PACC1: variants seen among roughly 807,000 people sequenced by gnomAD.
PACC1 encodes proton activated chloride channel 1.
In PACC1, 34 loss-of-function variants were observed where a neutral mutation model predicts 39.7. That is an observed-to-expected ratio of 0.86 (90% CI 0.65 to 1.14). The LOEUF (loss-of-function observed/expected upper bound fraction) is 1.14, where lower values mean the gene tolerates loss of function less well. Ranked by LOEUF, PACC1 falls within the 50% of genes most tolerant of loss-of-function variation. PACC1 has a pLI of 0.00. For missense variants in PACC1, 379 were observed against 436.4 expected (o/e 0.87, Z 1.17); for synonymous variants, 127 against 160.6 (o/e 0.79, Z 1.58).
In PACC1 at chr1:212,366,367, C is replaced by T. The variant is rs1181837110; in HGVS notation, c.892-991G>A. 1.4e-5 allele frequency among the ~76,000 whole-genome samples: 2 copies of T among 139,304 alleles called. 1 individual carries two copies. Among genetic ancestry groups the T allele is most frequent in the South Asian group, 4.5e-4 (2 of 4,470 alleles). 91.4% of individuals were successfully genotyped at this position (139,304 alleles called of 152,430 possible). A position where few individuals can be genotyped will look rare whatever the true frequency, so the allele number is the denominator to read the frequency against. ...CCAGGCTGGAGTGCAGTGGCGCGAT[C>T]TCAGTTCACTGCAACCTCCGCCTCC... On this transcript the variant is annotated intron_variant, in intron 7 of 7. Coordinates refer to ENST00000261455, the MANE Select transcript of PACC1 (RefSeq NM_018252.3).
intron 7 of PACC1, among the ~76,000 whole-genome samples, chr1:212,366,882 C>T (rs963539266): frequency 3.9e-5 from 6 of 152,252 alleles, no homozygotes; most frequent in Non-Finnish European, 5.9e-5. Context: ...CAAGCACATC[C>T]GTATCACAGA....
chr1:212,395,438 A>T (rs1661479212), intron 2 of PACC1, among the ~76,000 whole-genome samples: 1 of 152,256 alleles, frequency 6.6e-6, no homozygotes, highest in African/African-American at 2.4e-5. Context: ...AAATTAATTC[A>T]AGATGGATTA....
rs1446332635 is a variant in PACC1, at chr1:212,382,255, G to C, written c.496-2218C>G. Among the ~76,000 whole-genome samples the C allele has an allele frequency of 6.6e-5, 10 of 152,208 alleles. 1 individual carries two copies. The South Asian group carries it at 1.9e-3, about 28-fold the overall frequency. On this transcript the variant is annotated intron_variant, in intron 4 of 7. Transcript: ENST00000261455. ...AGACGGGGTTTCACCATGTTAGCCA[G>C]GATGGTCTCGATCTCCTGACCTCGT...
At chr1:212,373,735 A>C (rs990617285) in intron 7 of PACC1, among the ~76,000 whole-genome samples, 4 of 152,216 alleles carry the variant, frequency 2.6e-5, no homozygotes, top group Non-Finnish European at 5.9e-5. Flanking sequence ...CAAATGGCCA[A>C]AAGGCATATG....
chr1:212,399,881 G>GTTGCCCAAGCTAGAGTGCAATGGTGCA (rs1661654032), intron 2 of PACC1, among the ~76,000 whole-genome samples: 1 of 151,470 alleles, frequency 6.6e-6, no homozygotes, highest in South Asian at 2.1e-4. Context: ...TTTCACTCTT[G>GTTGCCCAAGCTAGAGTGCAATGGTGCA]TTGCCCAAGC....
intron 2 of PACC1, among the ~76,000 whole-genome samples, chr1:212,391,589 A>G (rs1661321618): frequency 6.6e-6 from 1 of 152,256 alleles, no homozygotes. Context: ...AAAGCTGGAC[A>G]GAGAATGACT....
At chr1:212,378,281 G>A (rs969895673) in intron 5 of PACC1, among the ~76,000 whole-genome samples, 1 of 152,250 alleles carries the variant, frequency 6.6e-6, no homozygotes, top group African/African-American at 2.4e-5. Context: ...TACCGAGGAA[G>A]CTCACGAAAG....
chr1:212,388,023 C>T (rs893517655), intron 2 of PACC1, among the ~76,000 whole-genome samples: 12 of 145,378 alleles, frequency 8.3e-5, no homozygotes, highest in Non-Finnish European at 1.8e-4. Context: ...CATTGCACTC[C>T]AGCCTGGGCA....
At chr1:212,379,196 G>A (rs1660783299) in intron 5 of PACC1, among the ~76,000 whole-genome samples, 1 of 152,100 alleles carries the variant, frequency 6.6e-6, no homozygotes, top group Non-Finnish European at 1.5e-5. Context: ...GCCCACCTTG[G>A]CCTCCCAAAG....
At chr1:212,414,075 C>CA in intron 1 of PACC1, 1 of 1,533,566 alleles carries the variant, frequency 6.5e-7, no homozygotes, top group African/African-American at 1.4e-5. Context: ...GCGCTGGACG[C>CA]ACAGCCTGCA....
intron 7 of PACC1, among the ~76,000 whole-genome samples, chr1:212,370,294 G>A (rs1373099522): frequency 6.6e-5 from 10 of 152,158 alleles, no homozygotes; most frequent in Admixed American, 1.3e-4. Context: ...GTGAAACCCC[G>A]TCTCTACCAA....
Position 212,386,132 on chromosome 1 carries a change from CAG to C in PACC1, c.344-709_344-708del, listed in dbSNP as rs908962288. Reference sequence around the variant, plus strand: ...TCTGCTGGAGGCTGGCAGGAAGCCCCAGAGAGAGGGCACCCGGACTCTGGCTC... The same window carrying C: ...TCTGCTGGAGGCTGGCAGGAAGCCCCAGAGAGGGCACCCGGACTCTGGCTC... On this transcript the variant is annotated intron_variant, in intron 3 of 7. Coordinates refer to ENST00000261455, the MANE Select transcript of PACC1 (RefSeq NM_018252.3). The surrounding 1 kb of genome is among the most constrained non-coding windows in gnomAD (Gnocchi z 5.0). 1.3e-5 allele frequency among the ~76,000 whole-genome samples: 2 copies of C among 152,124 alleles called. No homozygotes were observed. Among genetic ancestry groups the C allele is most frequent in the Non-Finnish European group, 2.9e-5 (2 of 68,012 alleles).
chr1:212,401,322 TCTCA>T (rs1445286507), intron 2 of PACC1, among the ~76,000 whole-genome samples: 7 of 152,098 alleles, frequency 4.6e-5, no homozygotes, highest in South Asian at 4.2e-4. Context: ...GTCTGACTTC[TCTCA>T]CTATGTTTTC....
chr1:212,387,237 C>G, intron 2 of PACC1, 137 bp from the exon 3 acceptor site: 3 of 736,004 alleles, frequency 4.1e-6, no homozygotes, highest in Non-Finnish European at 6.7e-6. Context: ...CACCTCACCC[C>G]ACAAATCATA....
chr1:212,383,083 G>A (rs1660964480), intron 4 of PACC1, among the ~76,000 whole-genome samples: 1 of 152,168 alleles, frequency 6.6e-6, no homozygotes, highest in African/African-American at 2.4e-5. Flanking sequence ...GAAACTTGGT[G>A]GATAGGGAGG....
At chr1:212,389,869 G>A (rs751639962) in intron 2 of PACC1, among the ~76,000 whole-genome samples, 2 of 152,060 alleles carry the variant, frequency 1.3e-5, no homozygotes, top group Non-Finnish European at 2.9e-5. Context: ...TCTAACCACT[G>A]TAAAAATGTT....
chr1:212,406,362 C>T (rs1474097767), intron 2 of PACC1, among the ~76,000 whole-genome samples: 3 of 152,120 alleles, frequency 2.0e-5, no homozygotes, highest in African/African-American at 4.8e-5. Context: ...ACTAAAAATA[C>T]AAAAATTAGC....
chr1:212,407,896 G>A (rs1485736479), intron 2 of PACC1, among the ~76,000 whole-genome samples: 1 of 152,090 alleles, frequency 6.6e-6, no homozygotes, highest in Non-Finnish European at 1.5e-5. Context: ...CCAACATGGT[G>A]AAACCCCATC....
rs1428539190 is a variant in PACC1 at position 212,364,251 on chromosome 1, AAG to A, written c.*962_*963del. The A allele has an allele frequency of 6.6e-6, 1 of 152,136 alleles. No individual in the cohort carries two copies. The highest frequency in any genetic ancestry group is 1.5e-5 in the Non-Finnish European group (1 of 68,020). The allele number at this position is 152,136 out of a possible 1,614,324, so 9.4% of individuals were successfully genotyped here. A position where few individuals can be genotyped will look rare whatever the true frequency, so the allele number is the denominator to read the frequency against. On this transcript the variant is annotated 3_prime_UTR_variant, in exon 8 of 8. Transcript: ENST00000261455. ...GATGGGTAGTTTTGTGGACACAGTA[AAG>A]AGTTAACCCAGCTTCCTCGGGGACA...
Sources: gnomAD v4.1 joint callset for allele counts (sites outside exome capture counted in the v4.1 genomes callset) on GRCh38, gnomAD v4.1.1 for gene constraint, Gnocchi (gnomAD v3.1) non-coding constraint, MANE v1.5 for transcripts, NCBI Gene and HGNC (gene_info 2026-07-23, HGNC 2026-07-21) for gene names.